The following GRIN2B variants were observed in gnomAD, a reference collection of about 807,000 sequenced individuals.
GRIN2B encodes the protein glutamate ionotropic receptor NMDA type subunit 2B.
Under a neutral mutation model 114.5 loss-of-function variants are expected in GRIN2B, and 5 were observed. The observed-to-expected ratio is 0.04, with a 90% CI of 0.02 to 0.09. The LOEUF (loss-of-function observed/expected upper bound fraction) is 0.09. GRIN2B is among the 10% of genes least tolerant of loss of function. The pLI, the probability that GRIN2B is intolerant of heterozygous loss-of-function variation, is 1.00. For synonymous variants in GRIN2B, 787 were observed against 745.1 expected (o/e 1.06, Z -0.92); for missense variants, 1,108 against 1,943.5 (o/e 0.57, Z 8.08).
At chr12:13,942,062 C>G (rs219910) in intron 2 of GRIN2B, among the ~76,000 whole-genome samples, 81,988 of 152,056 alleles carry the variant, frequency 0.54, 22,278 homozygotes, top group Non-Finnish European at 0.58. Context: ...GAAAAAAGGT[C>G]TGCTTTTACC....
chr12:13,582,644 G>C (rs775853463), intron 10 of GRIN2B, among the ~76,000 whole-genome samples: 9 of 152,016 alleles, frequency 5.9e-5, no homozygotes, highest in Non-Finnish European at 1.2e-4. Flanking sequence ...ATTCGAGGCT[G>C]TATCTTCACA....
At chr12:13,637,245 A>T (rs1371156836) in intron 5 of GRIN2B, among the ~76,000 whole-genome samples, 3 of 152,196 alleles carry the variant, frequency 2.0e-5, no homozygotes, top group Non-Finnish European at 1.5e-5. Context: ...GAAAATAGGC[A>T]GAGTTGCAGG....
intron 3 of GRIN2B, among the ~76,000 whole-genome samples, chr12:13,862,948 T>G (rs1865772591): frequency 6.6e-6 from 1 of 152,210 alleles, no homozygotes. Flanking sequence ...CTTTCTTCTT[T>G]TCCCTCTTGC....
chr12:13,952,367 G>A (rs919591889), intron 2 of GRIN2B, among the ~76,000 whole-genome samples: 1 of 152,106 alleles, frequency 6.6e-6, no homozygotes, highest in African/African-American at 2.4e-5. Flanking sequence ...AGTGTCCGCA[G>A]GAATCCACAA....
At chr12:13,950,792 A>T (rs909742369) in intron 2 of GRIN2B, among the ~76,000 whole-genome samples, 2 of 152,180 alleles carry the variant, frequency 1.3e-5, no homozygotes, top group African/African-American at 4.8e-5. Flanking sequence ...TATGGAGAAA[A>T]ATAAGTTTTA....
chr12:13,937,033 G>C (rs1348612981), intron 2 of GRIN2B, among the ~76,000 whole-genome samples: 3 of 142,100 alleles, frequency 2.1e-5, no homozygotes, highest in African/African-American at 7.9e-5. Flanking sequence ...TGTCTGCCTA[G>C]AGACAATTTC....
chr12:13,876,058 A>G (rs940835762), intron 2 of GRIN2B, among the ~76,000 whole-genome samples: 2 of 152,234 alleles, frequency 1.3e-5, no homozygotes, highest in Non-Finnish European at 2.9e-5. Context: ...GGACGAACAG[A>G]TAAGTAGGAA....
At chr12:13,922,173 A>G (rs1404608080) in intron 2 of GRIN2B, among the ~76,000 whole-genome samples, 1 of 152,170 alleles carries the variant, frequency 6.6e-6, no homozygotes, top group Non-Finnish European at 1.5e-5. Flanking sequence ...AAATATGCTT[A>G]GGTTAAACAA....
At chr12:13,750,477 C>T (rs1460469245) in intron 4 of GRIN2B, among the ~76,000 whole-genome samples, 2 of 152,162 alleles carry the variant, frequency 1.3e-5, no homozygotes, top group African/African-American at 4.8e-5. Flanking sequence ...CATTCCTGGG[C>T]CATATTTATG....
In GRIN2B at chr12:13,562,698, AC is replaced by A. The variant is rs975747936; in HGVS notation, c.*84del. On this transcript the variant is annotated 3_prime_UTR_variant, in exon 14 of 14. Coordinates refer to ENST00000609686, the MANE Select transcript of GRIN2B (RefSeq NM_000834.5). ...AAAGGAGCAAATGGGAACCAAGTTC[AC>A]CCCCGTCACCCTCCGTGACATGCGC... 1 of 1,115,350 alleles carries A rather than the reference AC, an allele frequency of 9.0e-7. No individual in the cohort carries two copies. Among genetic ancestry groups the A allele is most frequent in the Non-Finnish European group, 1.4e-6 (1 of 728,518 alleles). 69.1% of individuals were successfully genotyped at this position (1,115,350 alleles called of 1,614,324 possible). A position where few individuals can be genotyped will look rare whatever the true frequency, so the allele number is the denominator to read the frequency against.
chr12:13,572,073 AT>A, intron 10 of GRIN2B, 109 bp from the exon 11 acceptor site: 1 of 872,676 alleles, frequency 1.1e-6, no homozygotes, highest in Non-Finnish European at 1.9e-6. Flanking sequence ...GCATTAGTGG[AT>A]TTATAATGGA....
Position 13,559,179 on chromosome 12 carries a change from C to T in GRIN2B, c.*3604G>A, listed in dbSNP as rs1224209771. The T allele has an allele frequency of 2.0e-5, 3 of 147,632 alleles. No homozygotes were observed. The highest frequency in any genetic ancestry group is 7.9e-5 in the African/African-American group (3 of 38,138). The allele number at this position is 147,632 out of a possible 1,614,324, so 9.1% of individuals were successfully genotyped here. On this transcript the variant is annotated 3_prime_UTR_variant, in exon 14 of 14. Transcript: ENST00000609686. ...AGTAACATCTAGATTTTAACAATGC[C>T]CAGCCTTCCTTTCTTTAAGTTTTCT...
chr12:13,964,966 G>C (rs949694753), intron 2 of GRIN2B, among the ~76,000 whole-genome samples: 2 of 152,192 alleles, frequency 1.3e-5, no homozygotes, highest in African/African-American at 4.8e-5. Context: ...TTGGGTCCAA[G>C]CTCCCCCAGG....
At chr12:13,863,410 G>A (rs1179160861) in intron 3 of GRIN2B, among the ~76,000 whole-genome samples, 1 of 152,214 alleles carries the variant, frequency 6.6e-6, no homozygotes, top group African/African-American at 2.4e-5. Context: ...ACCTTAACCA[G>A]TCATTTTCTT....
chr12:13,881,340 C>G (rs755754900), intron 2 of GRIN2B, among the ~76,000 whole-genome samples: 1 of 152,186 alleles, frequency 6.6e-6, no homozygotes. Flanking sequence ...CGGTCTCCTT[C>G]GGCACCTCTT....
At chr12:13,706,048 G>A (rs1420194698) in intron 4 of GRIN2B, among the ~76,000 whole-genome samples, 2 of 152,142 alleles carry the variant, frequency 1.3e-5, no homozygotes, top group Non-Finnish European at 2.9e-5. Flanking sequence ...CCTTGAGAGA[G>A]ACTGTCATCC....
Position 13,556,789 on chromosome 12 carries a change from C to T in GRIN2B, c.*5994G>A, listed in dbSNP as rs915105829. The T allele has an allele frequency of 5.9e-5, 9 of 152,182 alleles. No individual in the cohort carries two copies. Among genetic ancestry groups the T allele is most frequent in the Non-Finnish European group, 1.3e-4 (9 of 68,042 alleles). The allele number at this position is 152,182 out of a possible 1,614,324, so 9.4% of individuals were successfully genotyped here. ...TTTCAGGAGCCCTTAACCACATAATCACCCCAGCAATTATATTCAAAGCAT... is the reference window on the plus strand; with the variant it reads ...TTTCAGGAGCCCTTAACCACATAATTACCCCAGCAATTATATTCAAAGCAT... On this transcript the variant is annotated 3_prime_UTR_variant, in exon 14 of 14. Transcript: ENST00000609686.
intron 4 of GRIN2B, among the ~76,000 whole-genome samples, chr12:13,705,637 T>C (rs1365080588): frequency 6.6e-6 from 1 of 152,140 alleles, no homozygotes; most frequent in African/African-American, 2.4e-5. Context: ...TCACCAAAAA[T>C]AGTCCACAAG....
chr12:13,719,769 G>C (rs535818282), intron 4 of GRIN2B, among the ~76,000 whole-genome samples: 90 of 152,130 alleles, frequency 5.9e-4, no homozygotes, highest in African/African-American at 2.1e-3. Flanking sequence ...AAGGCCACAG[G>C]GTCAGGAGGA....
Sources: allele counts gnomAD v4.1 joint callset (sites outside exome capture counted in the v4.1 genomes callset), GRCh38; gene constraint gnomAD v4.1.1; transcripts MANE v1.5; gene names NCBI Gene and HGNC (gene_info 2026-07-23, HGNC 2026-07-21).